MATN2: variants seen among roughly 807,000 people sequenced by gnomAD.
MATN2 encodes the protein matrilin-2.
MATN2 carries 69 observed loss-of-function variants against 103.2 expected under a neutral mutation model. That is an observed-to-expected ratio of 0.67 (90% CI 0.55 to 0.82). The LOEUF (loss-of-function observed/expected upper bound fraction) is 0.82, where lower values mean the gene tolerates loss of function less well. MATN2 is among the 40% of genes least tolerant of loss of function. The probability of loss-of-function intolerance (pLI) is 0.00; values close to 1 mark genes in which losing one functional copy is unlikely to be tolerated. For missense variants in MATN2, 1,023 were observed against 1,211.5 expected, an observed-to-expected ratio of 0.84 and a Z score of 2.31; for synonymous variants, 429 against 450.2, an observed-to-expected ratio of 0.95 and a Z score of 0.60.
At chr8:98,004,248 T>C (rs138737209) in intron 8 of MATN2, 5,519 of 158,266 alleles carry the variant, frequency 0.035, 323 homozygotes, top group African/African-American at 0.13. Context: ...GATTGCGCCA[T>C]TGCACTCCAA....
intron 6 of MATN2, among the ~76,000 whole-genome samples, chr8:97,988,171 A>AAAAAAATAT (rs1252963740): frequency 4.3e-5 from 2 of 46,116 alleles, no homozygotes; most frequent in African/African-American, 2.6e-4. Context: ...AAAAAAAAAA[A>AAAAAAATAT]ATATATATAT....
At chr8:98,031,291 T>A (rs777084785) in intron 15 of MATN2, among the ~76,000 whole-genome samples, 4 of 151,714 alleles carry the variant, frequency 2.6e-5, no homozygotes, top group Non-Finnish European at 4.4e-5. Context: ...TGAGCCATGA[T>A]TGCGCCACTG....
chr8:97,890,032 A>C (rs1563648259), intron 2 of MATN2, among the ~76,000 whole-genome samples: 1 of 152,148 alleles, frequency 6.6e-6, no homozygotes, highest in Non-Finnish European at 1.5e-5. Flanking sequence ...TTTTCAAGAG[A>C]ATGTGTCAGA....
At chr8:97,901,538 C>T (rs542630614) in intron 2 of MATN2, among the ~76,000 whole-genome samples, 14 of 152,214 alleles carry the variant, frequency 9.2e-5, no homozygotes, top group Non-Finnish European at 1.8e-4. Flanking sequence ...CAGGCGTGAG[C>T]CACTGCACCC....
chr8:97,998,097 G>A (rs1812651366), intron 7 of MATN2, among the ~76,000 whole-genome samples: 1 of 151,180 alleles, frequency 6.6e-6, no homozygotes, highest in South Asian at 2.1e-4. Context: ...TGGGATTACA[G>A]GCATGAGCCA....
chr8:97,899,235 C>T (rs1288129496), intron 2 of MATN2, among the ~76,000 whole-genome samples: 2 of 152,162 alleles, frequency 1.3e-5, no homozygotes, highest in East Asian at 1.9e-4. Flanking sequence ...ACAGCAATTG[C>T]CTGCTTAATT....
chr8:97,988,641 C>G (rs974557146), intron 6 of MATN2, among the ~76,000 whole-genome samples: 3 of 151,968 alleles, frequency 2.0e-5, no homozygotes, highest in Non-Finnish European at 4.4e-5. Context: ...CGACCAAAAA[C>G]AAAAGAATAT....
chr8:98,000,477 G>C (rs1024439976), intron 7 of MATN2, among the ~76,000 whole-genome samples: 2 of 151,502 alleles, frequency 1.3e-5, no homozygotes, highest in Non-Finnish European at 2.9e-5. Context: ...GGCACCTGTA[G>C]TCCCAGCTAC....
chr8:98,033,840 A>G (rs1814137299), intron 18 of MATN2, 181 bp downstream of exon 18: 4 of 559,984 alleles, frequency 7.1e-6, no homozygotes, highest in South Asian at 4.8e-5. Context: ...GGCAAGGGCA[A>G]GCCAAGCTTA....
At chr8:97,975,328 T>C (rs114896117) in intron 5 of MATN2, among the ~76,000 whole-genome samples, 2 of 152,194 alleles carry the variant, frequency 1.3e-5, no homozygotes, top group South Asian at 2.1e-4. Context: ...CTCTATTCTA[T>C]AACATTCTGG....
chr8:98,032,673 A>T (rs1028362529), intron 16 of MATN2, among the ~76,000 whole-genome samples: 2 of 152,154 alleles, frequency 1.3e-5, no homozygotes, highest in Admixed American at 1.3e-4. Flanking sequence ...CTGGAATTAC[A>T]GGCACCCACC....
chr8:97,880,481 T>C (rs535833252), intron 1 of MATN2, among the ~76,000 whole-genome samples: 14 of 152,350 alleles, frequency 9.2e-5, no homozygotes, highest in African/African-American at 3.4e-4. Context: ...GCTGCAAGGT[T>C]ACTAGACAGA....
At chr8:97,884,101 A>G (rs2129964130) in intron 1 of MATN2, among the ~76,000 whole-genome samples, 1 of 152,234 alleles carries the variant, frequency 6.6e-6, no homozygotes, top group South Asian at 2.1e-4. Flanking sequence ...GTGGCTTAAT[A>G]TGACAAAATT....
chr8:98,024,492 G>A lies in MATN2; in HGVS notation c.1943-2924G>A, dbSNP rs116477505. Among the ~76,000 whole-genome samples the A allele has an allele frequency of 7.7e-3, 1,166 of 151,040 alleles. 10 individuals are homozygous for A. The highest frequency in any genetic ancestry group is 0.027 in the African/African-American group (1,094 of 40,512). On this transcript the variant is annotated intron_variant, in intron 13 of 18. Coordinates refer to ENST00000254898, the MANE Select transcript of MATN2 (RefSeq NM_002380.5). ...TGCACTCCAGCCTGGGCGAGAGAGCGAGATGCCATCTCAAACAACAACAAC... is the reference window on the plus strand; with the variant it reads ...TGCACTCCAGCCTGGGCGAGAGAGCAAGATGCCATCTCAAACAACAACAAC...
intron 2 of MATN2, among the ~76,000 whole-genome samples, chr8:97,921,882 G>A (rs72675259): frequency 0.086 from 12,992 of 151,862 alleles, 837 homozygotes; most frequent in Admixed American, 0.21. Flanking sequence ...GCTGTGGACC[G>A]ATCTCAGTCC....
chr8:97,882,513 C>G (rs979274624), intron 1 of MATN2, among the ~76,000 whole-genome samples: 1 of 151,880 alleles, frequency 6.6e-6, no homozygotes, highest in African/African-American at 2.4e-5. Context: ...CCACCTCAGC[C>G]CCTCCCTCGA....
At chr8:97,886,930 C>T (rs898732987) in intron 1 of MATN2, among the ~76,000 whole-genome samples, 6 of 150,610 alleles carry the variant, frequency 4.0e-5, no homozygotes, top group African/African-American at 9.8e-5. Context: ...GATAGGGTCT[C>T]GTGCTGTCAC....
rs564072550 is a variant in MATN2, at chr8:97,870,624, G to A, written c.-27+1337G>A. ...CTTGTCTTTGCAGAAATAGCAAGGA[G>A]CTGCTATGAGCAGTGAATGTACCTC... On this transcript the variant is annotated intron_variant, in intron 1 of 18. Transcript: ENST00000254898. Among the ~76,000 whole-genome samples the A allele has an allele frequency of 5.3e-5, 8 of 152,344 alleles. No individual in the cohort carries two copies. In the South Asian group the frequency reaches 1.7e-3, roughly 32 times the overall value.
rs1248407634 is a variant in MATN2 at position 97,985,284 on chromosome 8, A to G, written c.1081+6276A>G. On this transcript the variant is annotated intron_variant, in intron 6 of 18. Transcript: ENST00000254898. ...AACCAGCTCTCATGAGAACTAACAG[A>G]GCAAACGTACTCATTACTGTGAGGA... is the stretch of plus-strand genomic sequence containing the variant. 3.3e-5 allele frequency among the ~76,000 whole-genome samples: 5 copies of G among 152,138 alleles called. No individual in the cohort carries two copies. The East Asian group carries it at 5.8e-4, about 18-fold the overall frequency.
Sources: allele counts gnomAD v4.1 joint callset (sites outside exome capture counted in the v4.1 genomes callset), GRCh38; gene constraint gnomAD v4.1.1; transcripts MANE v1.5; gene names NCBI Gene and HGNC (gene_info 2026-07-23, HGNC 2026-07-21).